The following PCDH15 variants were observed in gnomAD, a reference collection of about 807,000 sequenced individuals.
PCDH15 encodes protocadherin-15.
Under a neutral mutation model 178.5 loss-of-function variants are expected in PCDH15, and 129 were observed. The observed-to-expected ratio is 0.72, with a 90% CI of 0.63 to 0.84. PCDH15 has a LOEUF of 0.84. Among genes scored for constraint, PCDH15 ranks in the 40% least tolerant of loss-of-function variants. The pLI is 0.00. For missense variants in PCDH15, 2,230 were observed against 2,099.9 expected, an observed-to-expected ratio of 1.06 and a Z score of -1.21; for synonymous variants, 800 against 732.0, an observed-to-expected ratio of 1.09 and a Z score of -1.50.
In PCDH15 at chr10:53,876,895, A is replaced by T. The variant is rs376044578; in HGVS notation, c.3502-10038T>A. ...AGTGCAACAATAATAGAGACATGCC[A>T]TCATAGTTTGAATTACAAAGACCTT... On this transcript the variant is annotated intron_variant, in intron 26 of 37. Transcript: ENST00000644397. 7.8e-4 allele frequency among the ~76,000 whole-genome samples: 119 copies of T among 152,310 alleles called. 1 individual carries two copies. The South Asian group carries it at 0.019, about 24-fold the overall frequency.
At chr10:55,616,314 A>G (rs1360478685) in intron 2 of PCDH15, among the ~76,000 whole-genome samples, 1 of 152,298 alleles carries the variant, frequency 6.6e-6, no homozygotes, top group South Asian at 2.1e-4. Flanking sequence ...TAATATTGGT[A>G]AAACAATTGT....
At chr10:54,193,125 T>G (rs1336204816) in intron 11 of PCDH15, among the ~76,000 whole-genome samples, 2 of 152,184 alleles carry the variant, frequency 1.3e-5, no homozygotes, top group South Asian at 2.1e-4. Context: ...TTATAAGTAG[T>G]GTTTCTCAAA....
At chr10:54,295,882 C>T (rs1289945107) in intron 8 of PCDH15, among the ~76,000 whole-genome samples, 8 of 151,996 alleles carry the variant, frequency 5.3e-5, no homozygotes, top group African/African-American at 1.2e-4. Context: ...CGGTGGCTCA[C>T]GCCTGTAATC....
chr10:55,495,788 C>T (rs1840519716), intron 2 of PCDH15, among the ~76,000 whole-genome samples: 1 of 151,750 alleles, frequency 6.6e-6, no homozygotes, highest in Admixed American at 6.6e-5. Context: ...TACAAATGTT[C>T]AAAGCAGCAT....
rs141188598 is a variant in PCDH15 at position 54,432,429 on chromosome 10, T to A, written c.158-53487A>T. On this transcript the variant is annotated intron_variant, in intron 3 of 37. Transcript: ENST00000644397. ...GAGAACCCAGAAACAAATCCACACA[T>A]CTATAGTGAAGTTATTTTCAATGAA... is the stretch of plus-strand genomic sequence containing the variant. Among the ~76,000 whole-genome samples, 4 of 152,034 alleles carry A rather than the reference T, an allele frequency of 2.6e-5. No individual in the cohort carries two copies. In the East Asian group the frequency reaches 7.7e-4, roughly 29 times the overall value.
At chr10:54,940,362 T>A (rs981056035) in intron 2 of PCDH15, among the ~76,000 whole-genome samples, 4 of 152,152 alleles carry the variant, frequency 2.6e-5, no homozygotes, top group Non-Finnish European at 5.9e-5. Context: ...CTGTTGTTCG[T>A]TTTTTATTTA....
At position 54,907,271 on chromosome 10, in the gene PCDH15, T is replaced by C. The variant is rs576609634; in HGVS notation, c.-79-9771A>G. 6.2e-4 allele frequency among the ~76,000 whole-genome samples: 94 copies of C among 152,312 alleles called. 1 individual carries two copies. Among genetic ancestry groups the C allele is most frequent in the African/African-American group, 2.3e-3 (94 of 41,586 alleles). On this transcript the variant is annotated intron_variant, in intron 2 of 5. Transcript: ENST00000458638. ...TATTCCAGGTATGCTTCTAACAGAC[T>C]AACTGAAAAATATCTGATTTTTACC...
At chr10:54,212,092 G>A (rs559868005) in intron 10 of PCDH15, among the ~76,000 whole-genome samples, 40 of 152,048 alleles carry the variant, frequency 2.6e-4, no homozygotes, top group South Asian at 6.2e-4. Context: ...CGATAATAAA[G>A]GAAAATAATT....
intron 2 of PCDH15, among the ~76,000 whole-genome samples, chr10:54,912,169 C>CAT (rs1275308580): frequency 2.0e-5 from 3 of 151,722 alleles, no homozygotes; most frequent in Non-Finnish European, 2.9e-5. Flanking sequence ...TGAATATTTT[C>CAT]ATATATATAT....
At chr10:55,411,269 A>C (rs1197975389) in intron 2 of PCDH15, among the ~76,000 whole-genome samples, 1 of 152,074 alleles carries the variant, frequency 6.6e-6, no homozygotes, top group Non-Finnish European at 1.5e-5. Flanking sequence ...AATTAAATCA[A>C]AGAAAATGAC....
intron 2 of PCDH15, among the ~76,000 whole-genome samples, chr10:54,992,577 C>G (rs986340092): frequency 6.6e-6 from 1 of 151,810 alleles, no homozygotes; most frequent in Non-Finnish European, 1.5e-5. Context: ...ACAGTGAAAC[C>G]CTGTCTCTAC....
chr10:54,025,357 T>C (rs2135350997), intron 18 of PCDH15, among the ~76,000 whole-genome samples: 1 of 152,286 alleles, frequency 6.6e-6, no homozygotes, highest in South Asian at 2.1e-4. Flanking sequence ...AAACAACTTC[T>C]TTGCTCATTC....
At chr10:54,629,403 A>G (rs941520604) in intron 2 of PCDH15, among the ~76,000 whole-genome samples, 2 of 152,318 alleles carry the variant, frequency 1.3e-5, no homozygotes, top group East Asian at 1.9e-4. Flanking sequence ...CACCATGATC[A>G]AGAAGGCTAT....
intron 1 of PCDH15, among the ~76,000 whole-genome samples, chr10:54,754,531 G>A (rs1051039424): frequency 6.6e-6 from 1 of 151,992 alleles, no homozygotes; most frequent in African/African-American, 2.4e-5. Flanking sequence ...GAAAATTTTT[G>A]TATCAATTTT....
chr10:55,397,721 G>T (rs1038075555), intron 2 of PCDH15, among the ~76,000 whole-genome samples: 26 of 152,054 alleles, frequency 1.7e-4, no homozygotes, highest in African/African-American at 6.0e-4. Context: ...GAGTAGCTGG[G>T]ATAACAGGCG....
intron 2 of PCDH15, among the ~76,000 whole-genome samples, chr10:55,081,389 C>A (rs767905291): frequency 6.6e-6 from 1 of 152,200 alleles, no homozygotes; most frequent in Non-Finnish European, 1.5e-5. Context: ...AGGCTCCACT[C>A]TCATGACCTA....
chr10:54,407,165 C>G (rs1275707118), intron 3 of PCDH15, among the ~76,000 whole-genome samples: 1 of 152,056 alleles, frequency 6.6e-6, no homozygotes, highest in Admixed American at 6.6e-5. Context: ...CAAAATGAAT[C>G]TATAGTGATA....
chr10:54,648,331 G>A (rs1052372103), intron 2 of PCDH15, among the ~76,000 whole-genome samples: 2 of 152,156 alleles, frequency 1.3e-5, no homozygotes, highest in East Asian at 1.9e-4. Context: ...TTTTTGAGAG[G>A]AGGACACCAA....
At chr10:54,955,959 A>G (rs1838474411) in intron 2 of PCDH15, among the ~76,000 whole-genome samples, 1 of 151,408 alleles carries the variant, frequency 6.6e-6, no homozygotes, top group Non-Finnish European at 1.5e-5. Flanking sequence ...TCATTATAAA[A>G]TTCACTTTGA....
Sources: gnomAD v4.1 joint callset for allele counts (sites outside exome capture counted in the v4.1 genomes callset) on GRCh38, gnomAD v4.1.1 for gene constraint, MANE v1.5 for transcripts, NCBI Gene and HGNC (gene_info 2026-07-23, HGNC 2026-07-21) for gene names.